Variants in CNIH3 observed in about 807,000 individuals in gnomAD.
CNIH3 encodes cornichon family AMPA receptor auxiliary protein 3.
In CNIH3, 14 loss-of-function variants were observed where a neutral mutation model predicts 24.1. The ratio of observed to expected loss-of-function variants is 0.58; its 90% CI spans 0.38 to 0.91. The LOEUF is 0.91. Among genes scored for constraint, CNIH3 ranks in the 40% least tolerant of loss-of-function variants. The probability of loss-of-function intolerance (pLI) is 0.00; values close to 1 mark genes in which losing one functional copy is unlikely to be tolerated. For missense variants in CNIH3, 178 were observed against 196.8 expected (o/e 0.90, Z 0.57); for synonymous variants, 68 against 73.8 (o/e 0.92, Z 0.40).
intron 3 of CNIH3, among the ~76,000 whole-genome samples, chr1:224,556,605 G>T (rs1680150292): frequency 6.6e-6 from 1 of 152,174 alleles, no homozygotes; most frequent in Admixed American, 6.5e-5. Flanking sequence ...TTCCACTTCA[G>T]ATCATCAGGC....
intron 1 of CNIH3, among the ~76,000 whole-genome samples, chr1:224,641,909 G>T (rs1308318851): frequency 6.6e-6 from 1 of 152,116 alleles, no homozygotes; most frequent in Non-Finnish European, 1.5e-5. Context: ...GAAAACCATT[G>T]GTTTGTTCCT....
intron 3 of CNIH3, among the ~76,000 whole-genome samples, chr1:224,721,873 C>T (rs980223942): frequency 2.0e-5 from 3 of 152,092 alleles, no homozygotes; most frequent in East Asian, 1.9e-4. Context: ...AGCTCACCTC[C>T]GTCCCAGGAA....
chr1:224,648,413 GA>G (rs565178820), intron 1 of CNIH3, among the ~76,000 whole-genome samples: 451 of 110,692 alleles, frequency 4.1e-3, no homozygotes, highest in Non-Finnish European at 5.3e-3. Context: ...TCTGTCTCAG[GA>G]AAAAAAAAAA....
At chr1:224,491,730 C>T (rs1380521798) in intron 1 of CNIH3, among the ~76,000 whole-genome samples, 1 of 152,084 alleles carries the variant, frequency 6.6e-6, no homozygotes, top group Non-Finnish European at 1.5e-5. Context: ...CTCAGCCTCC[C>T]AAGTAGCAGG....
intron 4 of CNIH3, among the ~76,000 whole-genome samples, chr1:224,577,080 T>C (rs1237291680): frequency 6.6e-6 from 1 of 152,164 alleles, no homozygotes; most frequent in African/African-American, 2.4e-5. Context: ...GGATAAAGAC[T>C]TAAATCTAAT....
intron 1 of CNIH3, among the ~76,000 whole-genome samples, chr1:224,472,468 G>A (rs565407798): frequency 6.6e-6 from 1 of 152,260 alleles, no homozygotes; most frequent in South Asian, 2.1e-4. Flanking sequence ...AAAAAGGAGA[G>A]AAATAATGAC....
At chr1:224,452,506 G>T (rs916803099) in intron 1 of CNIH3, among the ~76,000 whole-genome samples, 3 of 151,876 alleles carry the variant, frequency 2.0e-5, no homozygotes, top group African/African-American at 7.3e-5. Flanking sequence ...TGTTGGCCGG[G>T]CACGGTGGCT....
At chr1:224,555,534 T>C (rs1680099571) in intron 3 of CNIH3, among the ~76,000 whole-genome samples, 1 of 152,256 alleles carries the variant, frequency 6.6e-6, no homozygotes, top group Admixed American at 6.5e-5. Context: ...AATTTTGCCT[T>C]TGAAATGATC....
At chr1:224,673,903 G>T (rs57468714) in intron 1 of CNIH3, among the ~76,000 whole-genome samples, 2,777 of 152,176 alleles carry the variant, frequency 0.018, 77 homozygotes, top group African/African-American at 0.063. Context: ...GCACTAACCA[G>T]TCAAAGACTC....
At chr1:224,618,202 C>A (rs1683119650) in intron 1 of CNIH3, among the ~76,000 whole-genome samples, 1 of 152,250 alleles carries the variant, frequency 6.6e-6, no homozygotes, top group South Asian at 2.1e-4. Context: ...ACTCTCAAGG[C>A]TTCCTTCTCT....
chr1:224,707,748 AC>A (rs1443231378), intron 3 of CNIH3, among the ~76,000 whole-genome samples: 1 of 152,024 alleles, frequency 6.6e-6, no homozygotes, highest in Admixed American at 6.6e-5. Flanking sequence ...ATGGCCGAGA[AC>A]CCCGGCTGTC....
chr1:224,708,075 C>G (rs1164064136), intron 3 of CNIH3, among the ~76,000 whole-genome samples: 4 of 152,156 alleles, frequency 2.6e-5, no homozygotes, highest in African/African-American at 9.7e-5. Context: ...CTGGTTTTCC[C>G]TACCTTCCTT....
intron 4 of CNIH3, among the ~76,000 whole-genome samples, chr1:224,579,116 C>A (rs564725976): frequency 3.2e-4 from 43 of 132,798 alleles, no homozygotes; most frequent in African/African-American, 1.0e-3. Context: ...GGCTCTATTT[C>A]TGAGTGATTT....
chr1:224,524,246 CA>C (rs1206325986), intron 2 of CNIH3, among the ~76,000 whole-genome samples: 3 of 152,206 alleles, frequency 2.0e-5, no homozygotes, highest in African/African-American at 7.2e-5. Context: ...CCAGGGTTGT[CA>C]GATCGGCTGG....
intron 3 of CNIH3, chr1:224,730,181 G>T: frequency 3.5e-6 from 1 of 286,424 alleles, no homozygotes; most frequent in Non-Finnish European, 6.6e-6. Flanking sequence ...GGCCATCCAT[G>T]GGTGACCCCT....
At chr1:224,659,953 G>T (rs1327841581) in intron 1 of CNIH3, among the ~76,000 whole-genome samples, 1 of 152,182 alleles carries the variant, frequency 6.6e-6, no homozygotes, top group African/African-American at 2.4e-5. Context: ...AAAACCTCTT[G>T]TGATTTTATT....
intron 3 of CNIH3, among the ~76,000 whole-genome samples, chr1:224,700,441 A>G (rs912295285): frequency 6.6e-6 from 1 of 152,198 alleles, no homozygotes; most frequent in Non-Finnish European, 1.5e-5. Flanking sequence ...TCATGGAAAC[A>G]ACATCCCATT....
chr1:224,470,118 A>G (rs1190218244), intron 1 of CNIH3, among the ~76,000 whole-genome samples: 2 of 150,944 alleles, frequency 1.3e-5, no homozygotes, highest in Admixed American at 6.6e-5. Flanking sequence ...TCCCGGGTTC[A>G]TGCCATTTTC....
At chr1:224,622,611 A>G (rs1683334869) in intron 1 of CNIH3, among the ~76,000 whole-genome samples, 1 of 152,248 alleles carries the variant, frequency 6.6e-6, no homozygotes, top group South Asian at 2.1e-4. Flanking sequence ...CCCCAATCCC[A>G]ACTGTTTGGT....
Sources: gnomAD v4.1 joint callset for allele counts (sites outside exome capture counted in the v4.1 genomes callset) on GRCh38, gnomAD v4.1.1 for gene constraint, MANE v1.5 for transcripts, NCBI Gene and HGNC (gene_info 2026-07-23, HGNC 2026-07-21) for gene names.